Variants in CEP290 observed in about 807,000 individuals in gnomAD.
CEP290 encodes the protein centrosomal protein 290, also known as centrosomal protein of 290 kDa.
A neutral mutation model predicts 344.9 loss-of-function variants in CEP290; 317 were observed. The observed-to-expected ratio is 0.92, with a 90% CI of 0.84 to 1.01. The LOEUF is 1.01. Ranked by LOEUF, CEP290 falls within the 50% of genes least tolerant of loss-of-function variation. The probability of loss-of-function intolerance (pLI) is 0.00; values close to 1 mark genes in which losing one functional copy is unlikely to be tolerated. For missense variants in CEP290, 2,754 were observed against 2,761.4 expected (o/e 1.00, Z 0.06); for synonymous variants, 932 against 895.8 (o/e 1.04, Z -0.72).
intron 1 of CEP290, among the ~76,000 whole-genome samples, 183 bp from the exon 2 acceptor site, chr12:88,141,517 C>CT (rs546399718): frequency 1.5e-3 from 162 of 105,274 alleles, no homozygotes; most frequent in African/African-American, 3.7e-3. Flanking sequence ...TCGGCACAAA[C>CT]TGTCAGAGTG....
At chr12:88,064,798 C>T (rs905385012) in intron 44 of CEP290, among the ~76,000 whole-genome samples, 3 of 152,162 alleles carry the variant, frequency 2.0e-5, no homozygotes, top group Middle Eastern at 3.4e-3. Flanking sequence ...TTCTAGGTCT[C>T]CAGAACTAAG....
chr12:88,080,381 T>A lies in CEP290; in HGVS notation c.5027A>T (p.His1676Leu). 1 of 1,610,980 alleles carries A rather than the reference T, an allele frequency of 6.2e-7. No individual in the cohort carries two copies. Among genetic ancestry groups the A allele is most frequent in the South Asian group, 1.1e-5 (1 of 90,466 alleles). ...TTTTACTTTTTTCACTTCATCTTCA[T>A]GGTTTTCTTGAAGCCTGATGTAAAT... Reference protein sequence around the residue: ...ENIKLQLQENHEDEVKKVKAE... With the variant: ...ENIKLQLQENLEDEVKKVKAE... Residue 1676 changes from histidine (H) to leucine (L), a missense_variant, in exon 38 of 54, where the codon CAT becomes CTT. By Grantham distance (99) the His-to-Leu change is moderately conservative. Transcript: ENST00000552810.
At position 88,115,272 on chromosome 12, in the gene CEP290, A is replaced by C. The variant is rs1034762941; in HGVS notation, c.1825-90T>G. On this transcript the variant is annotated intron_variant, in intron 18 of 53. Coordinates refer to ENST00000552810, the MANE Select transcript of CEP290 (RefSeq NM_025114.4). ...AAGTTAAGAAAAGTTTGATCAATTA[A>C]GTATAACAAAACAAAACAAAAAAAA... The C allele has an allele frequency of 1.3e-4, 100 of 788,172 alleles. No homozygotes were observed. The African/African-American group carries it at 1.6e-3, about 13-fold the overall frequency. The allele number at this position is 788,172 out of a possible 1,614,324, so 48.8% of individuals were successfully genotyped here.
chr12:88,093,318 A>G (rs907327942), intron 28 of CEP290, among the ~76,000 whole-genome samples: 18 of 152,114 alleles, frequency 1.2e-4, no homozygotes, highest in African/African-American at 4.1e-4. Flanking sequence ...CTTGCAAACT[A>G]TATTTACTGC....
Position 88,086,458 on chromosome 12 carries a change from ACTT to A in CEP290, c.4232_4234del (p.Glu1411del). 3 of 1,600,390 alleles carry A rather than the reference ACTT, an allele frequency of 1.9e-6. No homozygotes were observed. Among genetic ancestry groups the A allele is most frequent in the Non-Finnish European group, 2.6e-6 (3 of 1,172,102 alleles). On this transcript the variant is annotated inframe_deletion, in exon 33 of 54. Coordinates refer to ENST00000552810, the MANE Select transcript of CEP290 (RefSeq NM_025114.4). ...AATGTCTAGTTGGCGTTCCAGGTCAACTTCTCTTTGATCCCAGGCCATTTGTCT... is the reference window on the plus strand; with the variant it reads ...AATGTCTAGTTGGCGTTCCAGGTCAACTCTTTGATCCCAGGCCATTTGTCT...
rs183655276 is a variant in CEP290, at chr12:88,086,456, C to G, written c.4237G>C (p.Asp1413His). ...RQMAWDQREV[D>H]LERQLDIFDR... The stretch of plus-strand genomic sequence containing the variant: ...AAAATGTCTAGTTGGCGTTCCAGGT[C>G]AACTTCTCTTTGATCCCAGGCCATT... The change falls in exon 33 of 54, where the codon GAC becomes CAC. Residue 1413 changes from aspartate (D) to histidine (H), a missense_variant. Coordinates refer to ENST00000552810, the MANE Select transcript of CEP290 (RefSeq NM_025114.4). 2.5e-3 allele frequency: 4,074 copies of G among 1,600,388 alleles called. 9 individuals carry two copies. Among genetic ancestry groups the G allele is most frequent in the Middle Eastern group, 6.8e-3 (41 of 6,046 alleles).
intron 45 of CEP290, 43 bp downstream of exon 45, chr12:88,063,938 A>C (rs1287401724): frequency 6.7e-7 from 1 of 1,495,966 alleles, no homozygotes; most frequent in East Asian, 2.3e-5. Context: ...CTAAGGAAGG[A>C]GTTTTAGGCA....
intron 41 of CEP290, among the ~76,000 whole-genome samples, chr12:88,076,906 T>C (rs1442725420): frequency 6.6e-6 from 1 of 152,066 alleles, no homozygotes; most frequent in African/African-American, 2.4e-5. Context: ...AGAGAAATGA[T>C]ACACAGTTGA....
chr12:88,111,741 T>C lies in CEP290; in HGVS notation c.2170A>G (p.Lys724Glu). 1 of 1,604,094 alleles carries C rather than the reference T, an allele frequency of 6.2e-7. No homozygotes were observed. The highest frequency in any genetic ancestry group is 8.5e-7 in the Non-Finnish European group (1 of 1,176,416). Residue 724 changes from lysine (K) to glutamate (E), a missense_variant, in exon 21 of 54, where the codon AAA (lysine) becomes GAA (glutamate). Coordinates refer to ENST00000552810, the MANE Select transcript of CEP290 (RefSeq NM_025114.4). ...ELRQELRESR[K>E]EAINYSQQLA... ...TGCTGTGAATAATTTATAGCCTCTT[T>C]CCGAGATTCCCTGAGCTCCTGTCTT...
chr12:88,086,494 TG>T lies in CEP290; in HGVS notation c.4198del (p.His1400MetfsTer19), dbSNP rs1565840084. 1 of 1,586,064 alleles carries T rather than the reference TG, an allele frequency of 6.3e-7. No homozygotes were observed. The highest frequency in any genetic ancestry group is 2.3e-5 in the East Asian group (1 of 44,288). ...ATCCCAGGCCATTTGTCTTTCTTCA[TG>T]AAACTAAAAAAAGGACAATTTGTGT... Reference protein sequence around the residue: ...EEEIVQQNKFHEERQMAWDQR... With the variant: ...EEEIVQQNKFXEERQMAWDQR... On this transcript the variant is annotated frameshift_variant, in exon 33 of 54. Transcript: ENST00000552810. LOFTEE classifies it high-confidence loss of function.
intron 48 of CEP290, among the ~76,000 whole-genome samples, chr12:88,059,556 C>T (rs774176153): frequency 3.3e-5 from 5 of 151,962 alleles, no homozygotes; most frequent in African/African-American, 7.3e-5. Flanking sequence ...TACAGGCGCC[C>T]GCCACCACGC....
chr12:88,122,533 AT>A (rs2039468686), intron 13 of CEP290, among the ~76,000 whole-genome samples: 1 of 152,144 alleles, frequency 6.6e-6, no homozygotes, highest in Non-Finnish European at 1.5e-5. Context: ...ACCATTAGCC[AT>A]TACGTTTTAC....
chr12:88,130,648 AC>A (rs1416839940), intron 7 of CEP290, 83 bp from the exon 8 acceptor site: 4 of 1,330,200 alleles, frequency 3.0e-6, no homozygotes, highest in Admixed American at 6.6e-5. Flanking sequence ...ACTAAAGAAA[AC>A]AAAAAAATTT....
chr12:88,093,878 T>C lies in CEP290; in HGVS notation c.3201A>G (p.Leu1067=), dbSNP rs753838921. ...AATGTTCAGCCCGCTGCCTTTCATT[T>C]AATTCCTTCATTTCCAGCATAGTTA... ...KKITMLEMKE[L]NERQRAEHCQ... Residue 1067 remains leucine, a synonymous_variant, in exon 28 of 54, where the codon TTA becomes TTG. Transcript: ENST00000552810. 1 of 1,612,952 alleles carries C rather than the reference T, an allele frequency of 6.2e-7. No homozygotes were observed. The highest frequency in any genetic ancestry group is 1.3e-5 in the African/African-American group (1 of 74,918).
intron 27 of CEP290, among the ~76,000 whole-genome samples, 178 bp downstream of exon 27, chr12:88,096,710 T>G (rs541251085): frequency 1.3e-5 from 2 of 152,228 alleles, no homozygotes; most frequent in African/African-American, 4.8e-5. Flanking sequence ...AAAACTAAAC[T>G]TTGGTGGGGT....
intron 13 of CEP290, among the ~76,000 whole-genome samples, chr12:88,121,831 T>C (rs2039423662): frequency 6.6e-6 from 1 of 152,102 alleles, no homozygotes; most frequent in East Asian, 1.9e-4. Flanking sequence ...CAACTTTGTC[T>C]ATATTATAGA....
chr12:88,099,921 ACT>A (rs1262613139), intron 26 of CEP290, among the ~76,000 whole-genome samples: 1 of 148,944 alleles, frequency 6.7e-6, no homozygotes, highest in Non-Finnish European at 1.5e-5. Flanking sequence ...TATCTTCATC[ACT>A]CTCTCCCTAG....
Position 88,050,433 on chromosome 12 carries a change from T to C in CEP290, c.7130A>G (p.Asp2377Gly). 2.7e-6 allele frequency: 4 copies of C among 1,505,286 alleles called. No individual in the cohort carries two copies. The highest frequency in any genetic ancestry group is 3.7e-6 in the Non-Finnish European group (4 of 1,094,810). 93.2% of individuals were successfully genotyped at this position (1,505,286 alleles called of 1,614,324 possible). A position where few individuals can be genotyped will look rare whatever the true frequency, so the allele number is the denominator to read the frequency against. The change falls in exon 53 of 54, where the codon GAT (aspartate) becomes GGT (glycine). Residue 2377 changes from aspartate (D) to glycine (G), a missense_variant and splice_region_variant. Coordinates refer to ENST00000552810, the MANE Select transcript of CEP290 (RefSeq NM_025114.4). ...DQSGAESTIP[D>G]ADQLKEKIKD... ...TATTTTTTCCTTTAGTTGATCAGCA[T>C]CTGTTGAAAAAGTCATACAAATTAG...
chr12:88,123,054 C>T (rs1469907658), intron 13 of CEP290, among the ~76,000 whole-genome samples: 1 of 152,050 alleles, frequency 6.6e-6, no homozygotes, highest in Admixed American at 6.6e-5. Flanking sequence ...GATATCTATA[C>T]ACTCTACCTT....
Sources: gnomAD v4.1 joint callset for allele counts (sites outside exome capture counted in the v4.1 genomes callset) on GRCh38, gnomAD v4.1.1 for gene constraint, MANE v1.5 for transcripts, NCBI Gene and HGNC (gene_info 2026-07-23, HGNC 2026-07-21) for gene names.